The following FNBP1 variants were observed in gnomAD, a reference collection of about 807,000 sequenced individuals.
FNBP1 encodes formin-binding protein 1.
In FNBP1, 26 loss-of-function variants were observed where a neutral mutation model predicts 90.6. That is an observed-to-expected ratio of 0.29 (90% CI 0.21 to 0.40). The LOEUF (loss-of-function observed/expected upper bound fraction) is 0.40, where lower values mean the gene tolerates loss of function less well. Among genes scored for constraint, FNBP1 ranks in the 10% least tolerant of loss-of-function variants. FNBP1 has a pLI of 1.00. For missense variants in FNBP1, 635 were observed against 768.0 expected, an observed-to-expected ratio of 0.83 and a Z score of 2.05; for synonymous variants, 260 against 265.2, an observed-to-expected ratio of 0.98 and a Z score of 0.19.
intron 1 of FNBP1, among the ~76,000 whole-genome samples, chr9:130,022,046 A>C (rs1044227471): frequency 1.3e-5 from 2 of 151,980 alleles, no homozygotes; most frequent in African/African-American, 4.8e-5. Context: ...TTTTGTAGAG[A>C]CAAGGTCTCA....
At position 129,888,370 on chromosome 9, in the gene FNBP1, G is replaced by A. The variant is rs1258815517; in HGVS notation, c.*2169C>T. 2 of 232,572 alleles carry A rather than the reference G, an allele frequency of 8.6e-6. No individual in the cohort carries two copies. Among genetic ancestry groups the A allele is most frequent in the Non-Finnish European group, 1.7e-5 (2 of 117,724 alleles). The allele number at this position is 232,572 out of a possible 1,614,324, so 14.4% of individuals were successfully genotyped here. A position where few individuals can be genotyped will look rare whatever the true frequency, so the allele number is the denominator to read the frequency against. ...TCAGAAGTTCCTGAAGATCCCTGTC[G>A]TCCCCGTTGGCGGGGGAGCCCATTG... On this transcript the variant is annotated 3_prime_UTR_variant, in exon 17 of 17. Coordinates refer to ENST00000446176, the MANE Select transcript of FNBP1 (RefSeq NM_015033.3).
chr9:130,007,753 C>T (rs1449807938), intron 1 of FNBP1, among the ~76,000 whole-genome samples: 5 of 152,144 alleles, frequency 3.3e-5, no homozygotes, highest in African/African-American at 7.2e-5. Flanking sequence ...TGGTGGCTCA[C>T]GCCTGTAATC....
rs71387303 is a variant in FNBP1 at position 130,041,004 on chromosome 9, CT to C, written c.24+1947del. ...TTTTTTCTTTTTTCTTTTTTCTTTTCTTTTTTTTTTTTTTAAGAGGAGGCCT... is the reference window on the plus strand; with the variant it reads ...TTTTTTCTTTTTTCTTTTTTCTTTTCTTTTTTTTTTTTTAAGAGGAGGCCT... On this transcript the variant is annotated intron_variant, in intron 1 of 16. Coordinates refer to ENST00000446176, the MANE Select transcript of FNBP1 (RefSeq NM_015033.3). This position sits in a 1 kb window ranked among gnomAD's most constrained non-coding sequence, Gnocchi z 4.3. Among the ~76,000 whole-genome samples the C allele has an allele frequency of 2.0e-3, 268 of 134,540 alleles. No homozygotes were observed. Among genetic ancestry groups the C allele is most frequent in the Non-Finnish European group, 2.1e-3 (135 of 63,846 alleles). 88.3% of individuals were successfully genotyped at this position (134,540 alleles called of 152,430 possible).
chr9:129,979,351 G>A lies in FNBP1; in HGVS notation c.164C>T (p.Pro55Leu). 1 of 1,606,752 alleles carries A rather than the reference G, an allele frequency of 6.2e-7. No homozygotes were observed. The highest frequency in any genetic ancestry group is 8.5e-7 in the Non-Finnish European group (1 of 1,174,480). The part of the protein sequence containing the change: ...QLRNLSKKYQ[P>L]KKNSKEEEEY... ...TTCTTCCTCCTTCGAGTTCTTTTTA[G>A]GTTGGTACTTCTTTGAAAGATTCCT... Residue 55 changes from proline (P) to leucine (L), a missense_variant, in exon 3 of 17, where the codon CCT becomes CTT. Transcript: ENST00000446176.
At position 129,957,381 on chromosome 9, in the gene FNBP1, G is replaced by A. The variant is rs760580803; in HGVS notation, c.492C>T (p.Val164=). 3 of 1,612,828 alleles carry A rather than the reference G, an allele frequency of 1.9e-6. No individual in the cohort carries two copies. In the East Asian group the frequency reaches 6.7e-5, roughly 36 times the overall value. Residue 164 remains valine, a synonymous_variant, in exon 6 of 17, where the codon GTC becomes GTT. Coordinates refer to ENST00000446176, the MANE Select transcript of FNBP1 (RefSeq NM_015033.3). The surrounding 1 kb of genome is among the most constrained non-coding windows in gnomAD (Gnocchi z 4.3). ...TCACCTTTTCAACATCCGCTTTTGT[G>A]ACATTGATGTCAGCGTCCATTTTCT... The part of the protein sequence containing the change: ...YFEKMDADIN[V]TKADVEKARQ...
At chr9:129,934,014 A>G (rs1316380726) in intron 6 of FNBP1, among the ~76,000 whole-genome samples, 1 of 152,240 alleles carries the variant, frequency 6.6e-6, no homozygotes, top group African/African-American at 2.4e-5. Context: ...GTGTTGAATC[A>G]ATTACTCATT....
rs577174328 is a variant in FNBP1 at position 130,003,337 on chromosome 9, G to A, written c.25-8379C>T. Among the ~76,000 whole-genome samples, 4 of 152,186 alleles carry A rather than the reference G, an allele frequency of 2.6e-5. No individual in the cohort carries two copies. The East Asian group carries it at 7.7e-4, about 29-fold the overall frequency. On this transcript the variant is annotated intron_variant, in intron 1 of 16. Coordinates refer to ENST00000446176, the MANE Select transcript of FNBP1 (RefSeq NM_015033.3). ...CTGGGTATGGTGGCACGCACCTGTAGTCTCAGCAGTAATCTCAGCAGTTAG... is the reference window on the plus strand; with the variant it reads ...CTGGGTATGGTGGCACGCACCTGTAATCTCAGCAGTAATCTCAGCAGTTAG...
chr9:130,036,917 C>T (rs569749211), intron 1 of FNBP1, among the ~76,000 whole-genome samples: 1 of 151,962 alleles, frequency 6.6e-6, no homozygotes, highest in Non-Finnish European at 1.5e-5. Context: ...CGGTGGCAGG[C>T]GCCTGTAGTC....
At chr9:130,035,915 C>T (rs2132281499) in intron 1 of FNBP1, among the ~76,000 whole-genome samples, 1 of 152,242 alleles carries the variant, frequency 6.6e-6, no homozygotes, top group South Asian at 2.1e-4. Flanking sequence ...CATTGCACTC[C>T]AGCCTGGGCG....
intron 6 of FNBP1, among the ~76,000 whole-genome samples, chr9:129,933,236 TACAC>T (rs960722935): frequency 6.6e-6 from 1 of 151,756 alleles, no homozygotes; most frequent in Non-Finnish European, 1.5e-5. Context: ...CGCACACACA[TACAC>T]ACACACACAA....
intron 4 of FNBP1, among the ~76,000 whole-genome samples, chr9:129,972,055 C>G (rs1279071490): frequency 1.3e-5 from 2 of 152,142 alleles, no homozygotes; most frequent in Non-Finnish European, 2.9e-5. Flanking sequence ...TTCTAGTCAG[C>G]CACGAAAAAT....
At chr9:129,949,996 G>A (rs1391302446) in intron 6 of FNBP1, among the ~76,000 whole-genome samples, 3 of 152,154 alleles carry the variant, frequency 2.0e-5, no homozygotes, top group African/African-American at 7.2e-5. Context: ...AAAGGAGGAT[G>A]CGCTGCTTTG....
At chr9:129,961,968 CCT>C (rs1194016608) in intron 4 of FNBP1, among the ~76,000 whole-genome samples, 2 of 152,210 alleles carry the variant, frequency 1.3e-5, no homozygotes, top group African/African-American at 4.8e-5. Context: ...CATTCTCCAC[CCT>C]GTCTGGGTCC....
intron 6 of FNBP1, among the ~76,000 whole-genome samples, chr9:129,932,136 A>G (rs1003781027): frequency 4.0e-5 from 6 of 151,516 alleles, no homozygotes; most frequent in African/African-American, 4.9e-5. Context: ...GCTTGAACCC[A>G]GGAGCCGGAG....
rs546839966 is a variant in FNBP1, at chr9:130,041,232, T to G, written c.24+1720A>C. Among the ~76,000 whole-genome samples the G allele has an allele frequency of 1.3e-5, 2 of 152,304 alleles. No individual in the cohort carries two copies. The highest frequency in any genetic ancestry group is 6.5e-5 in the Admixed American group (1 of 15,280). ...ACAGAATAATGCAAGCAATTGCCGC[T>G]GTTTTAGCAGTTTTGCTCATAGCCA... On this transcript the variant is annotated intron_variant, in intron 1 of 16. Transcript: ENST00000446176. The surrounding 1 kb of genome is among the most constrained non-coding windows in gnomAD (Gnocchi z 4.3).
chr9:130,000,296 G>C (rs2054629408), intron 1 of FNBP1, among the ~76,000 whole-genome samples: 1 of 152,122 alleles, frequency 6.6e-6, no homozygotes. Flanking sequence ...TTGGAGACCA[G>C]CCTGGCTAAC....
chr9:129,955,831 GCGCGCACACACA>G (rs2046852163), intron 6 of FNBP1, among the ~76,000 whole-genome samples: 1 of 29,888 alleles, frequency 3.3e-5, no homozygotes, highest in Admixed American at 3.9e-4. Context: ...ACTTCTTTTA[GCGCGCACACACA>G]CACACACACA....
chr9:130,053,688 T>A, the FNBP1 span: 1 of 554,710 alleles, frequency 1.8e-6, no homozygotes, highest in Admixed American at 3.3e-5. Context: ...ACCGTTGTTA[T>A]GGCAACCGCC....
intron 4 of FNBP1, among the ~76,000 whole-genome samples, chr9:129,963,222 G>A (rs1171027641): frequency 6.6e-6 from 1 of 152,176 alleles, no homozygotes; most frequent in Non-Finnish European, 1.5e-5. Context: ...TTGGGGCAAT[G>A]CTGTGGGTGG....
Sources: allele counts gnomAD v4.1 joint callset (sites outside exome capture counted in the v4.1 genomes callset), GRCh38; gene constraint gnomAD v4.1.1; non-coding constraint Gnocchi (gnomAD v3.1); transcripts MANE v1.5; gene names NCBI Gene and HGNC (gene_info 2026-07-23, HGNC 2026-07-21).